Variants in FKBP10 observed in about 807,000 individuals in gnomAD.
The protein encoded by FKBP10 is peptidyl-prolyl cis-trans isomerase FKBP10.
FKBP10 carries 34 observed loss-of-function variants against 53.7 expected under a neutral mutation model. The observed-to-expected ratio is 0.63, with a 90% CI of 0.48 to 0.84. The LOEUF is 0.84. Among genes scored for constraint, FKBP10 ranks in the 40% least tolerant of loss-of-function variants. The pLI, the probability that FKBP10 is intolerant of heterozygous loss-of-function variation, is 0.00. For missense variants in FKBP10, 748 were observed against 797.8 expected, an observed-to-expected ratio of 0.94 and a Z score of 0.75; for synonymous variants, 324 against 335.7, an observed-to-expected ratio of 0.97 and a Z score of 0.38.
At position 41,822,620 on chromosome 17, in the gene FKBP10, T is replaced by G; in HGVS notation, c.*212T>G. On this transcript the variant is annotated 3_prime_UTR_variant, in exon 10 of 10. Transcript: ENST00000321562. ...CTCTACCGTGTTTCTCTTCCATCCCTAAACCACTTCCTTAAAATGTTTGGA... is the reference window on the plus strand; with the variant it reads ...CTCTACCGTGTTTCTCTTCCATCCCGAAACCACTTCCTTAAAATGTTTGGA... The G allele has an allele frequency of 3.2e-6, 2 of 623,872 alleles. No individual in the cohort carries two copies. Among genetic ancestry groups the G allele is most frequent in the Non-Finnish European group, 5.6e-6 (2 of 357,498 alleles). 38.6% of individuals were successfully genotyped at this position (623,872 alleles called of 1,614,324 possible). A position where few individuals can be genotyped will look rare whatever the true frequency, so the allele number is the denominator to read the frequency against.
intron 4 of FKBP10, 112 bp downstream of exon 4, chr17:41,818,639 A>C (rs2047847227): frequency 5.7e-6 from 8 of 1,412,972 alleles, no homozygotes; most frequent in Non-Finnish European, 7.8e-6. Flanking sequence ...CCAAGGACTC[A>C]AGGTGGGATG....
chr17:41,817,245 C>A (rs185145831), intron 2 of FKBP10, 42 bp downstream of exon 2: 2 of 1,605,082 alleles, frequency 1.2e-6, no homozygotes, highest in Admixed American at 1.7e-5. Flanking sequence ...GAGGAGACCA[C>A]GAGGCAGAAT....
chr17:41,813,015 C>T lies in FKBP10; in HGVS notation c.-20C>T, dbSNP rs2047766050. 2 of 1,608,892 alleles carry T rather than the reference C, an allele frequency of 1.2e-6. No homozygotes were observed. Among genetic ancestry groups the T allele is most frequent in the South Asian group, 1.1e-5 (1 of 90,904 alleles). ...CTCCCTCGCTCGCCCTCACTGCCGGCGGTCCCAACTCCAGGCACCATGTTC... is the reference window on the plus strand; with the variant it reads ...CTCCCTCGCTCGCCCTCACTGCCGGTGGTCCCAACTCCAGGCACCATGTTC... On this transcript the variant is annotated 5_prime_UTR_variant, in exon 1 of 10. Coordinates refer to ENST00000321562, the MANE Select transcript of FKBP10 (RefSeq NM_021939.4).
chr17:41,821,812 G>A lies in FKBP10; in HGVS notation c.1558G>A (p.Glu520Lys). 1 of 1,614,106 alleles carries A rather than the reference G, an allele frequency of 6.2e-7. No individual in the cohort carries two copies. Among genetic ancestry groups the A allele is most frequent in the East Asian group, 2.2e-5 (1 of 44,874 alleles). The change falls in exon 9 of 10, where the codon GAG (glutamate) becomes AAG (lysine). Residue 520 changes from glutamate (E) to lysine (K), a missense_variant. Transcript: ENST00000321562. Reference sequence around the variant, plus strand: ...CAACAAGGATGGCGAGGTCCCTCCGGAGGAGGTGGGTGAAGGTTCAGTCCT... The same window carrying A: ...CAACAAGGATGGCGAGGTCCCTCCGAAGGAGGTGGGTGAAGGTTCAGTCCT... ...DLNKDGEVPP[E>K]EFSTFIKAQV...
At chr17:41,820,538 C>G in intron 7 of FKBP10, 77 bp downstream of exon 7, 1 of 1,458,698 alleles carries the variant, frequency 6.9e-7, no homozygotes, top group Non-Finnish European at 9.5e-7. Flanking sequence ...GCACCCCCGA[C>G]GCCTGCTCCT....
chr17:41,820,702 C>A, intron 7 of FKBP10: 1 of 672,742 alleles, frequency 1.5e-6, no homozygotes, highest in Non-Finnish European at 2.5e-6. Flanking sequence ...CTTTCTATTT[C>A]ACAGAGGGGA....
At chr17:41,817,016 GT>G in intron 1 of FKBP10, 41 bp from the exon 2 acceptor site, 2 of 1,613,588 alleles carry the variant, frequency 1.2e-6, no homozygotes, top group Non-Finnish European at 1.7e-6. Context: ...CAGTGTGTGT[GT>G]GTCTGAGGTC....
At chr17:41,820,787 G>A (rs566226229) in intron 7 of FKBP10, 160 bp from the exon 8 acceptor site, 525 of 1,025,150 alleles carry the variant, frequency 5.1e-4, no homozygotes, top group Middle Eastern at 1.6e-3. Context: ...GGAACCCCAC[G>A]TCTGCACAGC....
At position 41,821,729 on chromosome 17, in the gene FKBP10, G is replaced by C; in HGVS notation, c.1475G>C (p.Gly492Ala). The C allele has an allele frequency of 6.2e-7, 1 of 1,614,096 alleles. No homozygotes were observed. The highest frequency in any genetic ancestry group is 1.1e-5 in the South Asian group (1 of 91,086). Residue 492 changes from glycine to alanine, a missense_variant, in exon 9 of 10, where the codon GGC (glycine) becomes GCC (alanine). Transcript: ENST00000321562. ...TCCCGGGAGGATGGGCTGCCCACAGGCTACCTGTTTGTGTGGCACAAGGAC... is the reference window on the plus strand; with the variant it reads ...TCCCGGGAGGATGGGCTGCCCACAGCCTACCTGTTTGTGTGGCACAAGGAC... ...LVSREDGLPT[G>A]YLFVWHKDPP...
intron 1 of FKBP10, among the ~76,000 whole-genome samples, chr17:41,816,472 A>G (rs2047817732): frequency 6.6e-6 from 1 of 151,984 alleles, no homozygotes; most frequent in African/African-American, 2.4e-5. Flanking sequence ...TCAAAATGTG[A>G]AACCAGCTCC....
intron 1 of FKBP10, among the ~76,000 whole-genome samples, chr17:41,814,345 T>G (rs1355457262): frequency 6.6e-6 from 1 of 152,168 alleles, no homozygotes; most frequent in East Asian, 1.9e-4. Context: ...ATCACTTTCC[T>G]TATCTGAAAA....
At position 41,817,965 on chromosome 17, in the gene FKBP10, A is replaced by T; in HGVS notation, c.392-124A>T. The T allele has an allele frequency of 4.1e-6, 4 of 980,350 alleles. No individual in the cohort carries two copies. The East Asian group carries it at 7.8e-5, about 19-fold the overall frequency. 60.7% of individuals were successfully genotyped at this position (980,350 alleles called of 1,614,324 possible). A position where few individuals can be genotyped will look rare whatever the true frequency, so the allele number is the denominator to read the frequency against. The stretch of plus-strand genomic sequence containing the variant: ...AAAAAAAAAAAACAAAAATAGTGGC[A>T]TCTCTGTCCCTGGTTTGGGTCTCTT... On this transcript the variant is annotated intron_variant, in intron 2 of 9. Transcript: ENST00000321562.
chr17:41,823,170 TGTCA>T lies in FKBP10; in HGVS notation c.*766_*769del, dbSNP rs1321322889. ...TCTGCACACTCAAAGGCTAAACTGG[TGTCA>T]GTCCTTTTTTCCTTTGTTCCAAATA... On this transcript the variant is annotated 3_prime_UTR_variant, in exon 10 of 10. Coordinates refer to ENST00000321562, the MANE Select transcript of FKBP10 (RefSeq NM_021939.4). 1.3e-5 allele frequency: 2 copies of T among 152,864 alleles called. No individual in the cohort carries two copies. 9.5% of individuals were successfully genotyped at this position (152,864 alleles called of 1,614,324 possible).
chr17:41,813,532 G>T (rs2047776263), intron 1 of FKBP10, among the ~76,000 whole-genome samples: 1 of 152,146 alleles, frequency 6.6e-6, no homozygotes, highest in Non-Finnish European at 1.5e-5. Context: ...AAGGTGAACT[G>T]CCTTGTGTAG....
At chr17:41,817,258 G>C in intron 2 of FKBP10, 55 bp downstream of exon 2, 6 of 1,599,248 alleles carry the variant, frequency 3.8e-6, no homozygotes, top group Non-Finnish European at 4.2e-6. Flanking sequence ...GGCAGAATCA[G>C]GGATCCTGGG....
chr17:41,814,983 C>T (rs1307048999), intron 1 of FKBP10, among the ~76,000 whole-genome samples: 1 of 152,200 alleles, frequency 6.6e-6, no homozygotes, highest in Non-Finnish European at 1.5e-5. Flanking sequence ...GCAATCTCAA[C>T]TCACTGCAAC....
chr17:41,820,466 G>T lies in FKBP10; in HGVS notation c.1256+5G>T. The T allele has an allele frequency of 6.2e-7, 1 of 1,613,324 alleles. No homozygotes were observed. The highest frequency in any genetic ancestry group is 1.3e-5 in the African/African-American group (1 of 74,990). ...CGGCACCCAGCTGTTCACCTCGTGG[G>T]TCCGGGGGGGGGCCGGGACTGGGCA... On this transcript the variant is annotated splice_donor_5th_base_variant and intron_variant, in intron 7 of 9. Coordinates refer to ENST00000321562, the MANE Select transcript of FKBP10 (RefSeq NM_021939.4).
intron 7 of FKBP10, 52 bp from the exon 8 acceptor site, chr17:41,820,895 G>A (rs2047881727): frequency 1.9e-6 from 3 of 1,594,604 alleles, no homozygotes; most frequent in African/African-American, 1.3e-5. Flanking sequence ...AGAGGGGTGT[G>A]CGCTGGCAGG....
Position 41,817,155 on chromosome 17 carries a change from C to T in FKBP10, c.343C>T (p.Arg115Ter), listed in dbSNP as rs370972136. The change falls in exon 2 of 10, where the codon CGA becomes TGA. Residue 115 changes from arginine to a stop codon, truncating the protein, a stop_gained. Coordinates refer to ENST00000321562, the MANE Select transcript of FKBP10 (RefSeq NM_021939.4). LOFTEE classifies it high-confidence loss of function. ...CATGGGCATGTGTGTCAACGAGCGGCGACGCCTCATTGTGCCTCCCCACCT... is the reference window on the plus strand; with the variant it reads ...CATGGGCATGTGTGTCAACGAGCGGTGACGCCTCATTGTGCCTCCCCACCT... ...GLMGMCVNERRRLIVPPHLGY... is the reference protein window; with the variant it reads ...GLMGMCVNER 13 of 1,613,902 alleles carry T rather than the reference C, an allele frequency of 8.1e-6. No individual in the cohort carries two copies. The highest frequency in any genetic ancestry group is 1.3e-5 in the African/African-American group (1 of 74,926).
Sources: allele counts gnomAD v4.1 joint callset (sites outside exome capture counted in the v4.1 genomes callset), GRCh38; gene constraint gnomAD v4.1.1; transcripts MANE v1.5; gene names NCBI Gene and HGNC (gene_info 2026-07-23, HGNC 2026-07-21).